The following RAB3C variants were observed in gnomAD, a reference collection of about 807,000 sequenced individuals.
RAB3C encodes the protein RAB3C, member RAS oncogene family, also known as ras-related protein Rab-3C.
Under a neutral mutation model 26.4 loss-of-function variants are expected in RAB3C, and 17 were observed. The ratio of observed to expected loss-of-function variants is 0.64; its 90% confidence interval spans 0.44 to 0.97. RAB3C has a LOEUF of 0.97. RAB3C is among the 50% of genes least tolerant of loss of function. The pLI is 0.00. For missense variants in RAB3C, 242 were observed against 281.9 expected (o/e 0.86, Z 1.01); for synonymous variants, 91 against 95.9 (o/e 0.95, Z 0.30).
chr5:58,732,744 T>C (rs892211777), intron 3 of RAB3C, among the ~76,000 whole-genome samples: 1 of 152,222 alleles, frequency 6.6e-6, no homozygotes, highest in Non-Finnish European at 1.5e-5. Flanking sequence ...TGTAAAGTTA[T>C]GCTCTCTGAG....
intron 2 of RAB3C, among the ~76,000 whole-genome samples, chr5:58,705,604 G>A (rs967387820): frequency 6.6e-6 from 1 of 152,112 alleles, no homozygotes. Flanking sequence ...TTTCTTTTGA[G>A]GGAGAATATA....
At chr5:58,825,549 A>G (rs1027400199) in intron 4 of RAB3C, among the ~76,000 whole-genome samples, 2 of 152,160 alleles carry the variant, frequency 1.3e-5, no homozygotes, top group African/African-American at 4.8e-5. Flanking sequence ...GGAGGAGGAT[A>G]ATGGCACAGA....
At chr5:58,788,732 G>T (rs1401246221) in intron 3 of RAB3C, among the ~76,000 whole-genome samples, 1 of 152,152 alleles carries the variant, frequency 6.6e-6, no homozygotes, top group East Asian at 1.9e-4. Flanking sequence ...GTAAATACTG[G>T]TAAAGTCTAT....
At chr5:58,753,143 G>T (rs1048476007) in intron 3 of RAB3C, among the ~76,000 whole-genome samples, 1 of 152,124 alleles carries the variant, frequency 6.6e-6, no homozygotes, top group African/African-American at 2.4e-5. Context: ...ATGTTTTGCT[G>T]CTGAATGAAA....
At chr5:58,836,531 T>A (rs951816791) in intron 4 of RAB3C, among the ~76,000 whole-genome samples, 1 of 152,168 alleles carries the variant, frequency 6.6e-6, no homozygotes, top group African/African-American at 2.4e-5. Flanking sequence ...TCCTTGTGCC[T>A]CCCTTCCCCC....
At chr5:58,806,321 C>T (rs1742937243) in intron 3 of RAB3C, among the ~76,000 whole-genome samples, 1 of 152,092 alleles carries the variant, frequency 6.6e-6, no homozygotes, top group Non-Finnish European at 1.5e-5. Context: ...ATAGTAAGTG[C>T]TGCTGAATAA....
chr5:58,604,385 C>T (rs1235049519), intron 1 of RAB3C, among the ~76,000 whole-genome samples: 1 of 152,190 alleles, frequency 6.6e-6, no homozygotes, highest in African/African-American at 2.4e-5. Flanking sequence ...ATTATATGCC[C>T]TTTGTCTTCC....
At chr5:58,727,320 G>A (rs184303213) in intron 3 of RAB3C, among the ~76,000 whole-genome samples, 240 of 151,706 alleles carry the variant, frequency 1.6e-3, no homozygotes, top group Non-Finnish European at 2.8e-3. Context: ...AATACCATTG[G>A]CAATAGCAAT....
intron 3 of RAB3C, among the ~76,000 whole-genome samples, chr5:58,799,720 T>A (rs1243528781): frequency 1.3e-5 from 2 of 152,288 alleles, no homozygotes; most frequent in Non-Finnish European, 2.9e-5. Context: ...TATTACTGAA[T>A]TCATTCCATG....
intron 3 of RAB3C, among the ~76,000 whole-genome samples, chr5:58,817,728 G>C (rs1258836306): frequency 6.6e-6 from 1 of 152,102 alleles, no homozygotes; most frequent in Non-Finnish European, 1.5e-5. Flanking sequence ...GGAGACTCTA[G>C]AGGTTCTAAT....
chr5:58,792,092 T>A (rs1742535340), intron 3 of RAB3C, among the ~76,000 whole-genome samples: 1 of 152,230 alleles, frequency 6.6e-6, no homozygotes. Flanking sequence ...CAAAGTAATA[T>A]CTTATATGAG....
intron 1 of RAB3C, among the ~76,000 whole-genome samples, chr5:58,589,528 C>T (rs563219438): frequency 2.8e-4 from 43 of 152,182 alleles, no homozygotes; most frequent in Admixed American, 7.2e-4. Flanking sequence ...ATGAAGCCAG[C>T]GGAGCCTGGA....
At chr5:58,702,213 A>G (rs1199227532) in intron 2 of RAB3C, among the ~76,000 whole-genome samples, 3 of 152,194 alleles carry the variant, frequency 2.0e-5, no homozygotes, top group Non-Finnish European at 2.9e-5. Context: ...CACTTTCATA[A>G]TTTCTGTTAT....
intron 2 of RAB3C, among the ~76,000 whole-genome samples, chr5:58,706,411 A>G (rs1043727692): frequency 1.2e-4 from 18 of 152,320 alleles, no homozygotes; most frequent in Admixed American, 3.9e-4. Context: ...AAAAGCAGAA[A>G]AGCAGTAACA....
chr5:58,819,838 A>G (rs1024577256), intron 3 of RAB3C, among the ~76,000 whole-genome samples: 1 of 152,300 alleles, frequency 6.6e-6, no homozygotes, highest in South Asian at 2.1e-4. Context: ...ACTGTACTCC[A>G]ACCTGGGCAA....
chr5:58,752,871 A>G (rs977772585), intron 3 of RAB3C, among the ~76,000 whole-genome samples: 2 of 151,924 alleles, frequency 1.3e-5, no homozygotes, highest in East Asian at 3.8e-4. Context: ...TTCACTCCCA[A>G]TCTCAAAATA....
chr5:58,748,876 A>G (rs1741461266), intron 3 of RAB3C, among the ~76,000 whole-genome samples: 1 of 152,196 alleles, frequency 6.6e-6, no homozygotes, highest in African/African-American at 2.4e-5. Flanking sequence ...AATGCCAGCC[A>G]AAGTAAGTAT....
At chr5:58,813,436 T>C (rs1743130036) in intron 3 of RAB3C, among the ~76,000 whole-genome samples, 3 of 151,832 alleles carry the variant, frequency 2.0e-5, no homozygotes, top group African/African-American at 7.3e-5. Context: ...TCACTGCTGC[T>C]CCCCAATGGA....
intron 3 of RAB3C, among the ~76,000 whole-genome samples, chr5:58,805,869 G>A (rs1480876520): frequency 3.3e-5 from 5 of 151,954 alleles, no homozygotes; most frequent in Non-Finnish European, 7.4e-5. Flanking sequence ...GGGAAGGGGT[G>A]TGGGGCAGGG....
Sources: gnomAD v4.1 joint callset for allele counts (sites outside exome capture counted in the v4.1 genomes callset) on GRCh38, gnomAD v4.1.1 for gene constraint, MANE v1.5 for transcripts, NCBI Gene and HGNC (gene_info 2026-07-23, HGNC 2026-07-21) for gene names.